The following CREB5 variants were observed in gnomAD, a reference collection of about 807,000 sequenced individuals.
CREB5 encodes the protein cAMP responsive element binding protein 5, also known as cyclic AMP-responsive element-binding protein 5.
CREB5 carries 19 observed loss-of-function variants against 57.1 expected under a neutral mutation model. The ratio of observed to expected loss-of-function variants is 0.33; its 90% confidence interval spans 0.23 to 0.49. CREB5 has a LOEUF of 0.49. Ranked by LOEUF, CREB5 falls within the 20% of genes least tolerant of loss-of-function variation. The pLI, the probability that CREB5 is intolerant of heterozygous loss-of-function variation, is 0.99. For synonymous variants in CREB5, 238 were observed against 238.3 expected, an observed-to-expected ratio of 1.00 and a Z score of 0.01; for missense variants, 579 against 671.6, an observed-to-expected ratio of 0.86 and a Z score of 1.52.
chr7:28,364,427 A>G (rs966593992), intron 1 of CREB5, among the ~76,000 whole-genome samples: 1 of 152,228 alleles, frequency 6.6e-6, no homozygotes, highest in African/African-American at 2.4e-5. Flanking sequence ...TAAAACAAAA[A>G]CGTTGAGTGT....
chr7:28,559,505 G>T (rs1794998617), intron 4 of CREB5, among the ~76,000 whole-genome samples: 1 of 152,042 alleles, frequency 6.6e-6, no homozygotes, highest in African/African-American at 2.4e-5. Context: ...AGTAGAGACG[G>T]GATTTCACCA....
intron 1 of CREB5, among the ~76,000 whole-genome samples, chr7:28,308,316 G>T (rs1583659550): frequency 6.6e-6 from 1 of 152,124 alleles, no homozygotes; most frequent in Non-Finnish European, 1.5e-5. Context: ...AATTTCCCGA[G>T]TGCTTAGAGC....
At chr7:28,431,840 A>G (rs1178287786) in intron 1 of CREB5, among the ~76,000 whole-genome samples, 1 of 152,162 alleles carries the variant, frequency 6.6e-6, no homozygotes, top group African/African-American at 2.4e-5. Context: ...AATGTGGTGG[A>G]CAAGGGGCAA....
chr7:28,395,528 C>T (rs1044776600), intron 1 of CREB5, among the ~76,000 whole-genome samples: 1 of 152,164 alleles, frequency 6.6e-6, no homozygotes, highest in African/African-American at 2.4e-5. Context: ...CCAGGTTCTC[C>T]CCTACTCCTT....
chr7:28,769,699 A>T (rs1185177273), intron 7 of CREB5, among the ~76,000 whole-genome samples: 2 of 152,182 alleles, frequency 1.3e-5, no homozygotes, highest in African/African-American at 4.8e-5. Context: ...ACTGAAATGT[A>T]ATTTTTTGTC....
At chr7:28,399,253 C>T (rs1787398017) in intron 1 of CREB5, among the ~76,000 whole-genome samples, 1 of 144,494 alleles carries the variant, frequency 6.9e-6, no homozygotes, top group Admixed American at 6.9e-5. Flanking sequence ...ACAGCATAGA[C>T]AAAGCTAAAA....
At chr7:28,363,905 T>C (rs1049857775) in intron 1 of CREB5, among the ~76,000 whole-genome samples, 1 of 152,242 alleles carries the variant, frequency 6.6e-6, no homozygotes, top group African/African-American at 2.4e-5. Flanking sequence ...TCCATTGATA[T>C]GCATTATTTC....
chr7:28,752,480 T>G (rs1042337723), intron 7 of CREB5, among the ~76,000 whole-genome samples: 1 of 152,240 alleles, frequency 6.6e-6, no homozygotes, highest in Admixed American at 6.5e-5. Flanking sequence ...TCTTTGTAAT[T>G]AATATGTATC....
intron 1 of CREB5, among the ~76,000 whole-genome samples, chr7:28,417,426 C>T (rs574281362): frequency 1.3e-5 from 2 of 150,860 alleles, no homozygotes; most frequent in Non-Finnish European, 2.9e-5. Flanking sequence ...TCAATTTGGA[C>T]TAGCCACATT....
intron 1 of CREB5, among the ~76,000 whole-genome samples, chr7:28,343,864 G>T (rs540561768): frequency 6.5e-4 from 99 of 152,226 alleles, no homozygotes; most frequent in Admixed American, 2.9e-3. Flanking sequence ...GCCAACCTTT[G>T]TTATCTTTTG....
intron 5 of CREB5, among the ~76,000 whole-genome samples, chr7:28,599,763 T>C (rs1796843368): frequency 6.6e-6 from 1 of 151,714 alleles, no homozygotes; most frequent in Non-Finnish European, 1.5e-5. Flanking sequence ...TGTTTTTTTA[T>C]TGTATTAGTT....
At chr7:28,592,071 T>C (rs1796541044) in intron 5 of CREB5, among the ~76,000 whole-genome samples, 1 of 152,184 alleles carries the variant, frequency 6.6e-6, no homozygotes, top group East Asian at 1.9e-4. Flanking sequence ...GATCAGGCCA[T>C]CACAGAGCAG....
At chr7:28,762,365 A>G (rs1390629226) in intron 7 of CREB5, among the ~76,000 whole-genome samples, 2 of 152,160 alleles carry the variant, frequency 1.3e-5, no homozygotes, top group African/African-American at 4.8e-5. Flanking sequence ...GGAATTTTCA[A>G]TATATTGTGC....
At chr7:28,720,000 C>T (rs368299259) in intron 6 of CREB5, among the ~76,000 whole-genome samples, 1 of 152,220 alleles carries the variant, frequency 6.6e-6, no homozygotes, top group East Asian at 1.9e-4. Context: ...GCGGAGGTTA[C>T]AGTGAGCTGA....
chr7:28,694,295 C>T (rs1200265687), intron 5 of CREB5, among the ~76,000 whole-genome samples: 1 of 152,176 alleles, frequency 6.6e-6, no homozygotes, highest in Non-Finnish European at 1.5e-5. Context: ...TCTTGCGTAG[C>T]ATTTTCGCCT....
Position 28,776,347 on chromosome 7 carries a change from AAAAAG to A in CREB5, c.703-27849_703-27845del, listed in dbSNP as rs1272821347. 4.0e-3 allele frequency among the ~76,000 whole-genome samples: 586 copies of A among 147,584 alleles called. 10 individuals carry two copies. The highest frequency in any genetic ancestry group is 0.013 in the African/African-American group (547 of 41,002). On this transcript the variant is annotated intron_variant, in intron 7 of 10. Transcript: ENST00000357727. Reference sequence around the variant, plus strand: ...AGCGAGACTCTGTCTCAAAAAAAAAAAAAAGAAGAAGAAGAAAGTTAAGCGTGCTA... The same window carrying A: ...AGCGAGACTCTGTCTCAAAAAAAAAAAAGAAGAAGAAAGTTAAGCGTGCTA...
chr7:28,693,064 C>T (rs1284147933), intron 5 of CREB5, among the ~76,000 whole-genome samples: 2 of 152,154 alleles, frequency 1.3e-5, no homozygotes, highest in East Asian at 1.9e-4. Flanking sequence ...TAGACAATAG[C>T]CAAGACCCAT....
At chr7:28,549,796 A>G (rs1794553898) in intron 4 of CREB5, among the ~76,000 whole-genome samples, 2 of 152,172 alleles carry the variant, frequency 1.3e-5, no homozygotes, top group South Asian at 4.1e-4. Flanking sequence ...AGGGGGAAAA[A>G]GAATGCTATT....
chr7:28,332,292 A>G (rs1785731892), intron 1 of CREB5, among the ~76,000 whole-genome samples: 1 of 152,154 alleles, frequency 6.6e-6, no homozygotes, highest in African/African-American at 2.4e-5. Context: ...ACCGTGAGAT[A>G]ATGCATTTCT....
Sources: allele counts gnomAD v4.1 joint callset (sites outside exome capture counted in the v4.1 genomes callset), GRCh38; gene constraint gnomAD v4.1.1; transcripts MANE v1.5; gene names NCBI Gene and HGNC (gene_info 2026-07-23, HGNC 2026-07-21).